Variants in RTTN observed in about 807,000 individuals in gnomAD.
RTTN encodes the protein rotatin.
In RTTN, 182 loss-of-function variants were observed where a neutral mutation model predicts 269.2. The ratio of observed to expected loss-of-function variants is 0.68; its 90% confidence interval spans 0.60 to 0.76. The LOEUF is 0.76. Among genes scored for constraint, RTTN ranks in the 30% least tolerant of loss-of-function variants. The pLI is 0.00. For missense variants in RTTN, 2,545 were observed against 2,608.6 expected (o/e 0.98, Z 0.53); for synonymous variants, 1,006 against 963.5 (o/e 1.04, Z -0.82).
At chr18:70,067,236 T>C (rs2058162941) in intron 34 of RTTN, among the ~76,000 whole-genome samples, 1 of 151,264 alleles carries the variant, frequency 6.6e-6, no homozygotes. Context: ...CTCGGCTCAC[T>C]GCAAGCTCCG....
rs1401686939 is a variant in RTTN, at chr18:70,184,799, G to A, written c.1305+3309C>T. Among the ~76,000 whole-genome samples, 8 of 141,672 alleles carry A rather than the reference G, an allele frequency of 5.6e-5. No homozygotes were observed. In the East Asian group the frequency reaches 1.7e-3, roughly 30 times the overall value. The allele number at this position is 141,672 out of a possible 152,430, so 92.9% of individuals were successfully genotyped here. On this transcript the variant is annotated intron_variant, in intron 10 of 48. Transcript: ENST00000640769. The stretch of plus-strand genomic sequence containing the variant: ...AGTCCCAGCTACTTGGGAGGCTGAG[G>A]CAGGAGAATGGCGTGAACCTGGGAG...
chr18:70,073,986 C>T lies in RTTN; in HGVS notation c.4573G>A (p.Asp1525Asn). 1.2e-6 allele frequency: 2 copies of T among 1,609,912 alleles called. No individual in the cohort carries two copies. Among genetic ancestry groups the T allele is most frequent in the Non-Finnish European group, 1.7e-6 (2 of 1,176,878 alleles). Residue 1525 changes from aspartate (D) to asparagine (N), a missense_variant, in exon 34 of 49, where the codon GAC becomes AAC. By Grantham distance (23) the Asp-to-Asn change is conservative. Coordinates refer to ENST00000640769, the MANE Select transcript of RTTN (RefSeq NM_173630.4). ...SESNDLNGLD[D>N]SFKFWRAPSR... ...GGAGCCCTCCAAAACTTGAATGAGT[C>T]ATCTAAACCTGCAACAACGAGAAAA...
intron 28 of RTTN, among the ~76,000 whole-genome samples, chr18:70,102,295 TC>T (rs1401114433): frequency 6.6e-6 from 1 of 152,220 alleles, no homozygotes; most frequent in East Asian, 1.9e-4. Context: ...GATAGTTAGC[TC>T]TTCTTCTTGA....
intron 46 of RTTN, among the ~76,000 whole-genome samples, chr18:70,013,806 A>G (rs74712061): frequency 0.019 from 2,946 of 152,188 alleles, 95 homozygotes; most frequent in African/African-American, 0.066. Context: ...AAAGTTCTTA[A>G]AGTTTTTACC....
At position 70,127,633 on chromosome 18, in the gene RTTN, G is replaced by A. The variant is rs2059899243; in HGVS notation, c.3252C>T (p.Thr1084=). The change falls in exon 25 of 49, where the codon ACC becomes ACT. Residue 1084 remains threonine, a synonymous_variant. Transcript: ENST00000640769. ...TGACAGCAGCCCTAACTTCCCTGTG[G>A]GTTGCAGCCTGAACAATGGAATGGA... The part of the protein sequence containing the change: ...DCLHSIVQAA[T]HREVRAAVTR... 6.2e-7 allele frequency: 1 copy of A among 1,613,480 alleles called. No individual in the cohort carries two copies. Among genetic ancestry groups the A allele is most frequent in the East Asian group, 2.2e-5 (1 of 44,870 alleles).
intron 14 of RTTN, among the ~76,000 whole-genome samples, chr18:70,163,857 A>C (rs1006718063): frequency 1.3e-5 from 2 of 152,208 alleles, no homozygotes; most frequent in African/African-American, 4.8e-5. Context: ...GTGTTCATAT[A>C]TACAGACAAT....
chr18:70,015,142 G>T (rs146475284), intron 46 of RTTN, among the ~76,000 whole-genome samples: 34 of 151,336 alleles, frequency 2.2e-4, no homozygotes, highest in Non-Finnish European at 4.3e-4. Context: ...GCAGTGGCGC[G>T]ATCTTGGCTC....
intron 14 of RTTN, among the ~76,000 whole-genome samples, chr18:70,156,893 G>A (rs1369430578): frequency 6.6e-6 from 1 of 152,092 alleles, no homozygotes; most frequent in African/African-American, 2.4e-5. Flanking sequence ...CACAAGACTG[G>A]GCCAACCTGA....
At chr18:70,112,325 C>G in intron 27 of RTTN, among the ~76,000 whole-genome samples, 1 of 151,880 alleles carries the variant, frequency 6.6e-6, no homozygotes, top group Admixed American at 6.6e-5. Context: ...TAAATGTAAA[C>G]GGGCTAAATG....
Position 70,128,495 on chromosome 18 carries a change from G to C in RTTN, c.3006C>G (p.Ser1002=), listed in dbSNP as rs746761740. 1.2e-6 allele frequency: 2 copies of C among 1,613,104 alleles called. No individual in the cohort carries two copies. The highest frequency in any genetic ancestry group is 1.7e-6 in the Non-Finnish European group (2 of 1,179,442). Residue 1002 remains serine, a synonymous_variant, in exon 24 of 49, where the codon TCC becomes TCG. Transcript: ENST00000640769. ...AATCAGCAGATAAGGGCAAAACTAT[G>C]GAGTAAGGACTCACAGCATGGTGTC... The part of the protein sequence containing the change: ...VIGHHAVSPY[S]IVLPLSADCL...
chr18:70,080,545 C>G (rs76513952), intron 32 of RTTN, among the ~76,000 whole-genome samples: 3,830 of 152,208 alleles, frequency 0.025, 160 homozygotes, highest in African/African-American at 0.086. Context: ...TCAATCCATG[C>G]TGGTGTAAAT....
intron 28 of RTTN, among the ~76,000 whole-genome samples, chr18:70,107,395 C>A (rs960774991): frequency 6.6e-6 from 1 of 152,206 alleles, no homozygotes; most frequent in South Asian, 2.1e-4. Flanking sequence ...GTAGTTAAGC[C>A]TTGTCTATGA....
chr18:70,173,160 G>T (rs1425854343), intron 11 of RTTN, among the ~76,000 whole-genome samples: 1 of 152,096 alleles, frequency 6.6e-6, no homozygotes, highest in Non-Finnish European at 1.5e-5. Flanking sequence ...CGTTTTCCTG[G>T]ATCACCTGAT....
intron 13 of RTTN, 96 bp from the exon 14 acceptor site, chr18:70,166,284 A>G: frequency 2.6e-6 from 3 of 1,164,764 alleles, no homozygotes; most frequent in Middle Eastern, 2.0e-4. Flanking sequence ...TCCTACTCCA[A>G]CTCCTCAAAC....
chr18:70,149,935 T>C (rs1298091884), intron 16 of RTTN, 36 bp downstream of exon 16: 1 of 1,362,464 alleles, frequency 7.3e-7, no homozygotes, highest in Admixed American at 1.7e-5. Context: ...CAGCCAAAGA[T>C]AAATGGTATC....
intron 25 of RTTN, 73 bp from the exon 26 acceptor site, chr18:70,121,773 G>A: frequency 7.4e-7 from 1 of 1,346,306 alleles, no homozygotes; most frequent in Non-Finnish European, 1.0e-6. Flanking sequence ...TCATAGATAT[G>A]TGGACTTAAC....
At chr18:70,054,353 T>A in intron 37 of RTTN, 69 bp from the exon 38 acceptor site, 2 of 1,399,114 alleles carry the variant, frequency 1.4e-6, no homozygotes, top group Middle Eastern at 1.8e-4. Flanking sequence ...GATACAGCAT[T>A]TTACTTTTGT....
chr18:70,178,681 T>C (rs1439714947), intron 10 of RTTN, among the ~76,000 whole-genome samples: 1 of 151,902 alleles, frequency 6.6e-6, no homozygotes, highest in Admixed American at 6.5e-5. Context: ...TTAACTGTCA[T>C]GGGATTATAA....
chr18:70,018,523 T>C (rs2056608176), intron 45 of RTTN, among the ~76,000 whole-genome samples: 1 of 152,222 alleles, frequency 6.6e-6, no homozygotes, highest in Non-Finnish European at 1.5e-5. Context: ...CCAGTTTATC[T>C]CTTAGGTTTT....
Sources: gnomAD v4.1 joint callset for allele counts (sites outside exome capture counted in the v4.1 genomes callset) on GRCh38, gnomAD v4.1.1 for gene constraint, MANE v1.5 for transcripts, NCBI Gene and HGNC (gene_info 2026-07-23, HGNC 2026-07-21) for gene names.